Variants in TRAF2 observed in about 807,000 individuals in gnomAD.
TRAF2 encodes TNF receptor associated factor 2.
In TRAF2, 6 loss-of-function variants were observed where a neutral mutation model predicts 55.6. The observed-to-expected ratio is 0.11, with a 90% CI of 0.06 to 0.21. TRAF2 has a LOEUF of 0.21. Among genes scored for constraint, TRAF2 ranks in the 10% least tolerant of loss-of-function variants. The pLI is 1.00. For synonymous variants in TRAF2, 329 were observed against 276.3 expected (o/e 1.19, Z -1.89); for missense variants, 561 against 684.5 (o/e 0.82, Z 2.01).
chr9:136,910,126 C>A, intron 6 of TRAF2, 132 bp downstream of exon 6: 1 of 1,014,990 alleles, frequency 9.9e-7, no homozygotes, highest in Non-Finnish European at 1.5e-6. Context: ...GCCCCTGTAA[C>A]GTTGGGTCAT....
At chr9:136,901,167 T>C (rs1026731516) in intron 4 of TRAF2, among the ~76,000 whole-genome samples, 14 of 152,222 alleles carry the variant, frequency 9.2e-5, no homozygotes, top group African/African-American at 3.1e-4. Context: ...CGTCACCTTT[T>C]AGGCATTTGG....
At chr9:136,909,577 C>T (rs1194397152) in intron 5 of TRAF2, among the ~76,000 whole-genome samples, 2 of 152,264 alleles carry the variant, frequency 1.3e-5, no homozygotes, top group African/African-American at 4.8e-5. Context: ...CCAGCCCTGC[C>T]CATCCGCCAG....
Position 136,909,921 on chromosome 9 carries a change from C to T in TRAF2, c.530C>T (p.Ala177Val), listed in dbSNP as rs367860949. Residue 177 changes from alanine (A) to valine (V), a missense_variant and splice_region_variant, in exon 6 of 11, where the codon GCG becomes GTG. By Grantham distance (64) the Ala-to-Val change is moderately conservative. Around this residue, in one of 2 missense-constraint regions of TRAF2, gnomAD observed 426 missense variants for 476.8 expected, o/e 0.89. Coordinates refer to ENST00000247668, the MANE Select transcript of TRAF2 (RefSeq NM_021138.4). ...CACTCCTGATCCCTTCTTTTGAAGG[C>T]GCACCACGAGGTCTGCCCCAAGTTC... Reference protein sequence around the residue: ...RAPCCGADVKAHHEVCPKFPL... With the variant: ...RAPCCGADVKVHHEVCPKFPL... 3.0e-5 allele frequency: 49 copies of T among 1,613,994 alleles called. No homozygotes were observed. Among genetic ancestry groups the T allele is most frequent in the Admixed American group, 3.3e-5 (2 of 59,994 alleles).
chr9:136,893,369 C>T (rs1849618432), intron 1 of TRAF2, among the ~76,000 whole-genome samples: 1 of 152,234 alleles, frequency 6.6e-6, no homozygotes, highest in South Asian at 2.1e-4. Context: ...GGATTGAAAG[C>T]ACACCACTGC....
At position 136,909,967 on chromosome 9, in the gene TRAF2, C is replaced by T. The variant is rs558283199; in HGVS notation, c.576C>T (p.Cys192=). The T allele has an allele frequency of 3.3e-5, 53 of 1,613,976 alleles. 2 individuals carry two copies. The South Asian group carries it at 4.0e-4, about 12-fold the overall frequency. ...CPKFPLTCDG[C]GKKKIPREKF... ...AGTTCCCCTTAACTTGTGACGGCTG[C>T]GGCAAGAAGAAGATCCCCCGGGAGA... is the stretch of plus-strand genomic sequence containing the variant. The change falls in exon 6 of 11, where the codon TGC becomes TGT. Residue 192 remains cysteine (C), a synonymous_variant. Transcript: ENST00000247668.
At chr9:136,900,195 G>A (rs567175914) in intron 3 of TRAF2, among the ~76,000 whole-genome samples, 34 of 148,428 alleles carry the variant, frequency 2.3e-4, no homozygotes, top group Non-Finnish European at 4.6e-4. Context: ...ATAAAGGGCC[G>A]CCAGAAGTTG....
At chr9:136,916,680 GC>G in intron 7 of TRAF2, 65 bp downstream of exon 7, 1 of 1,490,756 alleles carries the variant, frequency 6.7e-7, no homozygotes. Flanking sequence ...ACTGCCTCCA[GC>G]CCAGTGCTTC....
intron 1 of TRAF2, among the ~76,000 whole-genome samples, chr9:136,894,948 A>T (rs1564405574): frequency 2.0e-5 from 3 of 152,352 alleles, no homozygotes; most frequent in East Asian, 3.9e-4. Context: ...GTGAATAGAC[A>T]GCGTACTCCA....
Position 136,916,548 on chromosome 9 carries a change from A to G in TRAF2, c.611A>G (p.Asp204Gly), listed in dbSNP as rs1240286989. The G allele has an allele frequency of 6.2e-7, 1 of 1,614,008 alleles. No homozygotes were observed. The highest frequency in any genetic ancestry group is 8.5e-7 in the Non-Finnish European group (1 of 1,179,938). The change falls in exon 7 of 11, where the codon GAC becomes GGC. Residue 204 changes from aspartate to glycine, a missense_variant. This residue lies in a region of TRAF2 where 426 missense variants were observed against 476.8 expected (regional missense o/e 0.89). Transcript: ENST00000247668. ...KKKIPREKFQ[D>G]HVKTCGKCRV... ...GACGTCACTCCCTTGTAGTTTCAGGACCACGTCAAGACTTGTGGCAAGTGT... is the reference window on the plus strand; with the variant it reads ...GACGTCACTCCCTTGTAGTTTCAGGGCCACGTCAAGACTTGTGGCAAGTGT...
At chr9:136,903,828 G>C (rs976094028) in intron 4 of TRAF2, among the ~76,000 whole-genome samples, 1 of 151,900 alleles carries the variant, frequency 6.6e-6, no homozygotes, top group Non-Finnish European at 1.5e-5. Flanking sequence ...GACTACAGGC[G>C]CCCCCACCAC....
chr9:136,919,367 C>A (rs894916045), intron 7 of TRAF2, among the ~76,000 whole-genome samples: 3 of 143,852 alleles, frequency 2.1e-5, no homozygotes, highest in Non-Finnish European at 4.5e-5. Context: ...GGCGCGATCT[C>A]GGCTCACCAC....
chr9:136,890,764 C>T (rs1378165036), intron 1 of TRAF2, among the ~76,000 whole-genome samples: 1 of 152,236 alleles, frequency 6.6e-6, no homozygotes, highest in Admixed American at 6.5e-5. Context: ...ACCTCAGGGT[C>T]CCCTGACCGG....
intron 4 of TRAF2, 121 bp downstream of exon 4, chr9:136,900,641 A>G (rs1335103245): frequency 1.2e-6 from 1 of 807,980 alleles, no homozygotes; most frequent in African/African-American, 1.7e-5. Flanking sequence ...AGCCTGTCTG[A>G]TGTCTGTGGA....
At chr9:136,918,990 C>T (rs1850314787) in intron 7 of TRAF2, among the ~76,000 whole-genome samples, 1 of 151,938 alleles carries the variant, frequency 6.6e-6, no homozygotes, top group South Asian at 2.1e-4. Context: ...CCACTTCAGC[C>T]TCCCAAAGTA....
chr9:136,887,332 G>A (rs930490972), intron 1 of TRAF2, among the ~76,000 whole-genome samples: 1 of 152,204 alleles, frequency 6.6e-6, no homozygotes, highest in African/African-American at 2.4e-5. Context: ...TGCTTCCTAG[G>A]CCAAGATGAA....
chr9:136,903,036 G>A (rs1045624502), intron 4 of TRAF2, among the ~76,000 whole-genome samples: 13 of 151,930 alleles, frequency 8.6e-5, no homozygotes, highest in African/African-American at 2.9e-4. Flanking sequence ...GCGTGACCTC[G>A]GCTCACTGCA....
At chr9:136,884,754 G>A (rs948944871), upstream of TRAF2, among the ~76,000 whole-genome samples, 7 of 152,184 alleles carry the variant, frequency 4.6e-5, no homozygotes, top group African/African-American at 1.4e-4. Flanking sequence ...TAGAGATGGG[G>A]TTCCCCCATG....
chr9:136,917,325 T>C (rs879478314), intron 7 of TRAF2, among the ~76,000 whole-genome samples: 3 of 152,230 alleles, frequency 2.0e-5, no homozygotes, highest in Non-Finnish European at 2.9e-5. Context: ...CTGAGCTTCC[T>C]TGGGCATGCC....
chr9:136,925,196 A>AG (rs952652765), intron 10 of TRAF2, among the ~76,000 whole-genome samples: 4 of 152,010 alleles, frequency 2.6e-5, no homozygotes, highest in African/African-American at 7.2e-5. Flanking sequence ...TGGGTGGGGG[A>AG]GGGGGTGTGG....
Sources: gnomAD v4.1 joint callset for allele counts (sites outside exome capture counted in the v4.1 genomes callset) on GRCh38, gnomAD v4.1.1 for gene constraint, gnomAD v4.1.1 regional missense constraint, MANE v1.5 for transcripts, NCBI Gene and HGNC (gene_info 2026-07-23, HGNC 2026-07-21) for gene names.